EXOC4: variants seen among roughly 807,000 people sequenced by gnomAD.
The protein encoded by EXOC4 is SEC8-like 1.
A neutral mutation model predicts 107.2 loss-of-function variants in EXOC4; 71 were observed. That is an observed-to-expected ratio of 0.66 (90% CI 0.55 to 0.81). The LOEUF (loss-of-function observed/expected upper bound fraction) is 0.81, where lower values mean the gene tolerates loss of function less well. Ranked by LOEUF, EXOC4 falls within the 30% of genes least tolerant of loss-of-function variation. EXOC4 has a pLI of 0.00. For missense variants in EXOC4, 1,108 were observed against 1,189.6 expected, an observed-to-expected ratio of 0.93 and a Z score of 1.01; for synonymous variants, 456 against 441.2, an observed-to-expected ratio of 1.03 and a Z score of -0.42.
chr7:133,514,404 C>T (rs944337260), intron 9 of EXOC4, among the ~76,000 whole-genome samples: 76 of 152,250 alleles, frequency 5.0e-4, no homozygotes, highest in Non-Finnish European at 5.6e-4. Flanking sequence ...CCTCATGATC[C>T]GCCTTTCTCA....
intron 10 of EXOC4, among the ~76,000 whole-genome samples, chr7:133,658,799 A>G (rs1364425747): frequency 1.3e-5 from 2 of 152,224 alleles, no homozygotes; most frequent in African/African-American, 4.8e-5. Flanking sequence ...AGGAGTAAAG[A>G]TGTGGTGTTT....
intron 4 of EXOC4, among the ~76,000 whole-genome samples, chr7:133,309,444 T>TA (rs568214349): frequency 1.3e-5 from 2 of 152,130 alleles, no homozygotes; most frequent in Non-Finnish European, 2.9e-5. Context: ...GAATTTATAA[T>TA]AAAAAAAATT....
At chr7:133,591,832 C>T (rs752943605) in intron 9 of EXOC4, among the ~76,000 whole-genome samples, 17 of 152,228 alleles carry the variant, frequency 1.1e-4, no homozygotes, top group Admixed American at 2.6e-4. Flanking sequence ...AAAACACTTT[C>T]ATTTTCTCTG....
At chr7:133,919,280 A>G (rs1273349111) in intron 13 of EXOC4, among the ~76,000 whole-genome samples, 1 of 152,114 alleles carries the variant, frequency 6.6e-6, no homozygotes, top group African/African-American at 2.4e-5. Flanking sequence ...GTTGCCATAG[A>G]TCCCCTTACA....
chr7:133,336,476 C>G (rs967472090), intron 5 of EXOC4, among the ~76,000 whole-genome samples: 3 of 152,150 alleles, frequency 2.0e-5, no homozygotes, highest in Non-Finnish European at 4.4e-5. Flanking sequence ...ATCACAGTGC[C>G]TGTTTCCCCA....
At chr7:134,036,817 A>T (rs1795401055) in intron 17 of EXOC4, among the ~76,000 whole-genome samples, 1 of 152,182 alleles carries the variant, frequency 6.6e-6, no homozygotes, top group Non-Finnish European at 1.5e-5. Flanking sequence ...TAGAGCTTGA[A>T]TCCCACATTT....
chr7:133,458,705 A>G (rs928389678), intron 7 of EXOC4, among the ~76,000 whole-genome samples: 2 of 152,214 alleles, frequency 1.3e-5, no homozygotes, highest in African/African-American at 4.8e-5. Context: ...AAGAATACTA[A>G]GACATTTCTC....
intron 14 of EXOC4, among the ~76,000 whole-genome samples, chr7:133,957,230 G>C (rs1370953581): frequency 6.6e-6 from 1 of 152,148 alleles, no homozygotes; most frequent in Admixed American, 6.5e-5. Flanking sequence ...TTTTCAGTTA[G>C]ACCTCTTAGA....
intron 17 of EXOC4, among the ~76,000 whole-genome samples, chr7:134,032,936 T>C (rs1390167948): frequency 1.3e-5 from 2 of 152,214 alleles, no homozygotes; most frequent in Non-Finnish European, 2.9e-5. Flanking sequence ...TTGTAAGGTT[T>C]AGGTAATGTG....
intron 1 of EXOC4, among the ~76,000 whole-genome samples, chr7:133,259,099 G>A (rs1048016574): frequency 1.1e-4 from 17 of 151,922 alleles, no homozygotes; most frequent in Admixed American, 5.9e-4. Context: ...TCAGGTTTTC[G>A]TATGGATCTT....
At chr7:134,094,091 A>G in the EXOC4 span, among the ~76,000 whole-genome samples, 3 of 152,154 alleles carry the variant, frequency 2.0e-5, no homozygotes, top group Non-Finnish European at 4.4e-5. Flanking sequence ...ACTGAAAAAT[A>G]TTGAGTCCCA....
chr7:133,767,777 T>G (rs924252160), intron 10 of EXOC4, among the ~76,000 whole-genome samples: 2 of 151,970 alleles, frequency 1.3e-5, no homozygotes, highest in Non-Finnish European at 2.9e-5. Flanking sequence ...TACTGAACCA[T>G]TATTTTGAAT....
At chr7:134,009,712 C>G (rs903964076) in intron 17 of EXOC4, among the ~76,000 whole-genome samples, 1 of 152,008 alleles carries the variant, frequency 6.6e-6, no homozygotes, top group Admixed American at 6.6e-5. Context: ...AACATAGAAG[C>G]CTGAGGGATA....
At chr7:133,883,537 A>G (rs1401478697) in intron 11 of EXOC4, among the ~76,000 whole-genome samples, 1 of 151,410 alleles carries the variant, frequency 6.6e-6, no homozygotes, top group African/African-American at 2.4e-5. Flanking sequence ...CAGCTACTGG[A>G]GAGTCTGAGG....
At chr7:133,884,343 G>A (rs1478601965) in intron 11 of EXOC4, among the ~76,000 whole-genome samples, 1 of 152,070 alleles carries the variant, frequency 6.6e-6, no homozygotes, top group African/African-American at 2.4e-5. Flanking sequence ...TCGCACCAAC[G>A]ACCTCCACCT....
At chr7:133,390,275 A>G (rs1444984427) in intron 7 of EXOC4, among the ~76,000 whole-genome samples, 1 of 152,202 alleles carries the variant, frequency 6.6e-6, no homozygotes, top group Non-Finnish European at 1.5e-5. Flanking sequence ...TATAGTTGTC[A>G]CAGCAAAATA....
intron 6 of EXOC4, among the ~76,000 whole-genome samples, chr7:133,366,056 C>T (rs947756034): frequency 2.0e-5 from 3 of 152,142 alleles, no homozygotes; most frequent in Admixed American, 6.6e-5. Flanking sequence ...GTCTTTGCTT[C>T]GTGACCAAGT....
At chr7:133,409,961 A>T (rs1392896358) in intron 7 of EXOC4, among the ~76,000 whole-genome samples, 2 of 152,166 alleles carry the variant, frequency 1.3e-5, no homozygotes, top group African/African-American at 4.8e-5. Context: ...TGTTCTTAAG[A>T]GAATATTCAG....
chr7:134,024,287 A>G (rs958410315), intron 17 of EXOC4, among the ~76,000 whole-genome samples: 4 of 151,960 alleles, frequency 2.6e-5, no homozygotes, highest in Non-Finnish European at 5.9e-5. Flanking sequence ...CGTCTCTACT[A>G]AAAAATACAA....
Sources: allele counts gnomAD v4.1 joint callset (sites outside exome capture counted in the v4.1 genomes callset), GRCh38; gene constraint gnomAD v4.1.1; transcripts MANE v1.5; gene names NCBI Gene and HGNC (gene_info 2026-07-23, HGNC 2026-07-21).